The following FRMPD1 variants were observed in gnomAD, a reference collection of about 807,000 sequenced individuals.
The protein encoded by FRMPD1 is FERM and PDZ domain containing 1, also known as FERM and PDZ domain-containing protein 1.
A neutral mutation model predicts 117.8 loss-of-function variants in FRMPD1; 76 were observed. The ratio of observed to expected loss-of-function variants is 0.65; its 90% CI spans 0.54 to 0.78. The LOEUF (loss-of-function observed/expected upper bound fraction) is 0.78. Among genes scored for constraint, FRMPD1 ranks in the 30% least tolerant of loss-of-function variants. The pLI, the probability that FRMPD1 is intolerant of heterozygous loss-of-function variation, is 0.00. For missense variants in FRMPD1, 1,786 were observed against 1,964.5 expected (o/e 0.91, Z 1.72); for synonymous variants, 783 against 770.4 (o/e 1.02, Z -0.27).
the FRMPD1 span, among the ~76,000 whole-genome samples, chr9:37,628,853 G>A: frequency 6.6e-6 from 1 of 152,176 alleles, no homozygotes. Flanking sequence ...GATTCTAAGT[G>A]TGTGGTCCCT....
the FRMPD1 span, among the ~76,000 whole-genome samples, chr9:37,619,737 G>A: frequency 3.2e-3 from 478 of 150,210 alleles, 2 homozygotes; most frequent in African/African-American, 0.011. Context: ...CAGCCTGGGC[G>A]ACACAGCGAG....
intron 1 of FRMPD1, among the ~76,000 whole-genome samples, chr9:37,684,979 C>G (rs1821870245): frequency 6.6e-6 from 1 of 152,038 alleles, no homozygotes; most frequent in South Asian, 2.1e-4. Context: ...GGTCTCAACT[C>G]CTGGGCTTAA....
upstream of FRMPD1, among the ~76,000 whole-genome samples, chr9:37,649,724 T>C (rs963503675): frequency 1.8e-4 from 28 of 152,232 alleles, no homozygotes; most frequent in African/African-American, 5.8e-4. Context: ...CATCCCAGTC[T>C]GATGGTGCCT....
chr9:37,667,569 T>C (rs1821203915), intron 1 of FRMPD1, among the ~76,000 whole-genome samples: 1 of 150,556 alleles, frequency 6.6e-6, no homozygotes, highest in Non-Finnish European at 1.5e-5. Flanking sequence ...TCCCAGCTGC[T>C]TGGGAGGCTG....
chr9:37,687,988 G>C (rs1822006185), intron 1 of FRMPD1, among the ~76,000 whole-genome samples: 1 of 151,970 alleles, frequency 6.6e-6, no homozygotes, highest in Non-Finnish European at 1.5e-5. Context: ...CATGATATAG[G>C]TCTCTATTAA....
At chr9:37,734,266 G>C (rs1046703468) in intron 12 of FRMPD1, among the ~76,000 whole-genome samples, 6 of 152,162 alleles carry the variant, frequency 3.9e-5, no homozygotes, top group African/African-American at 1.2e-4. Context: ...GAAGGGGATG[G>C]TAAGCAGTTC....
Position 37,738,688 on chromosome 9 carries a change from C to CA in FRMPD1, c.1550-1389dup, listed in dbSNP as rs1364974614. On this transcript the variant is annotated intron_variant, in intron 14 of 15. Transcript: ENST00000377765. ...TATTTATGAACGAGGGGTGACTCCT[C>CA]AGAGTCTGCTCAGGGAGACAACGCA... is the stretch of plus-strand genomic sequence containing the variant. Among the ~76,000 whole-genome samples the CA allele has an allele frequency of 2.6e-5, 4 of 152,224 alleles. No individual in the cohort carries two copies. The East Asian group carries it at 7.7e-4, about 29-fold the overall frequency.
At chr9:37,635,611 A>G in the FRMPD1 span, among the ~76,000 whole-genome samples, 7 of 152,196 alleles carry the variant, frequency 4.6e-5, no homozygotes, top group Non-Finnish European at 8.8e-5. Context: ...GGACTTAAAT[A>G]CAAGCTGGAG....
chr9:37,663,657 C>T (rs184977182), intron 1 of FRMPD1, among the ~76,000 whole-genome samples: 7 of 152,236 alleles, frequency 4.6e-5, no homozygotes, highest in African/African-American at 1.4e-4. Flanking sequence ...CCTGGTTTCT[C>T]GTAGTGTTTT....
chr9:37,670,712 C>G (rs1256528174), intron 1 of FRMPD1, among the ~76,000 whole-genome samples: 1 of 152,204 alleles, frequency 6.6e-6, no homozygotes, highest in Admixed American at 6.5e-5. Context: ...GGAGGTATGA[C>G]CAAGCTGTGC....
intron 1 of FRMPD1, among the ~76,000 whole-genome samples, chr9:37,678,251 CTTTTTTTTTTTTTTTTTT>C (rs34040451): frequency 1.3e-5 from 1 of 79,822 alleles, no homozygotes; most frequent in African/African-American, 5.2e-5. Context: ...GTACTTACCA[CTTTTTTTTTTTTTTTTTT>C]TTTTTTTTTT....
chr9:37,733,571 A>G lies in FRMPD1; in HGVS notation c.1094A>G (p.Asn365Ser), dbSNP rs1470311545. ...KKAISFHMKRNQNLLEPRQKQ... is the reference protein window; with the variant it reads ...KKAISFHMKRSQNLLEPRQKQ... ...GCCATTAGCTTCCACATGAAGAGGA[A>G]CCAGAATTTGCTGGAACCCCGACAG... is the stretch of plus-strand genomic sequence containing the variant. Residue 365 changes from asparagine (N) to serine (S), a missense_variant, in exon 11 of 16, where the codon AAC becomes AGC. Coordinates refer to ENST00000377765, the MANE Select transcript of FRMPD1 (RefSeq NM_014907.3). The G allele has an allele frequency of 6.2e-7, 1 of 1,613,950 alleles. No individual in the cohort carries two copies. The highest frequency in any genetic ancestry group is 1.3e-5 in the African/African-American group (1 of 74,928).
chr9:37,720,577 G>A (rs1395607143), intron 6 of FRMPD1, among the ~76,000 whole-genome samples: 3 of 152,208 alleles, frequency 2.0e-5, no homozygotes, highest in Non-Finnish European at 4.4e-5. Context: ...GCTGAGGCAG[G>A]AGAATGGCGT....
At chr9:37,638,466 C>A in the FRMPD1 span, among the ~76,000 whole-genome samples, 1 of 152,108 alleles carries the variant, frequency 6.6e-6, no homozygotes, top group Non-Finnish European at 1.5e-5. Flanking sequence ...GAGGTGGCTG[C>A]CCACCTGTCT....
chr9:37,681,589 C>T (rs984088867), intron 1 of FRMPD1, among the ~76,000 whole-genome samples: 1 of 152,228 alleles, frequency 6.6e-6, no homozygotes, highest in Non-Finnish European at 1.5e-5. Flanking sequence ...AAGGCAACAT[C>T]AAATGATTGA....
intron 2 of FRMPD1, among the ~76,000 whole-genome samples, chr9:37,696,028 G>C (rs979915145): frequency 4.7e-5 from 6 of 128,552 alleles, no homozygotes; most frequent in African/African-American, 1.8e-4. Context: ...TTCTTTCCTT[G>C]CTCACCGTTC....
chr9:37,727,345 A>G (rs974028310), intron 7 of FRMPD1, among the ~76,000 whole-genome samples: 1 of 152,170 alleles, frequency 6.6e-6, no homozygotes, highest in African/African-American at 2.4e-5. Context: ...GGTCTCTGTC[A>G]TAGTTATTCA....
At chr9:37,722,306 CAAA>C (rs541735450) in intron 6 of FRMPD1, among the ~76,000 whole-genome samples, 1 of 122,106 alleles carries the variant, frequency 8.2e-6, no homozygotes. Context: ...GAGACTCTGT[CAAA>C]AAAAAAAAAA....
chr9:37,619,267 C>G, the FRMPD1 span, among the ~76,000 whole-genome samples: 1 of 152,124 alleles, frequency 6.6e-6, no homozygotes, highest in East Asian at 1.9e-4. Flanking sequence ...AACTGTCCCC[C>G]TTTGTGATAT....
Sources: gnomAD v4.1 joint callset for allele counts (sites outside exome capture counted in the v4.1 genomes callset) on GRCh38, gnomAD v4.1.1 for gene constraint, MANE v1.5 for transcripts, NCBI Gene and HGNC (gene_info 2026-07-23, HGNC 2026-07-21) for gene names.